Variants in EMX2 observed in about 807,000 individuals in gnomAD.
EMX2 encodes the protein homeobox protein EMX2.
Under a neutral mutation model 23.0 loss-of-function variants are expected in EMX2, and 6 were observed. That is an observed-to-expected ratio of 0.26 (90% CI 0.14 to 0.52). EMX2 has a LOEUF of 0.52. Ranked by LOEUF, EMX2 falls within the 20% of genes least tolerant of loss-of-function variation. EMX2 has a pLI of 0.97. For synonymous variants in EMX2, 175 were observed against 153.3 expected (o/e 1.14, Z -1.04); for missense variants, 302 against 341.4 (o/e 0.88, Z 0.91).
chr10:117,548,184 C>T lies in EMX2; in HGVS notation c.711C>T (p.Ala237=). Residue 237 remains alanine, a synonymous_variant, in exon 3 of 3, where the codon GCC becomes GCT. Transcript: ENST00000553456. ...ACCATATTAACCGGTGGAGAATCGC[C>T]ACCAAGCAGGCGAGTCCGGAGGAAA... The part of the protein sequence containing the change: ...GTHHINRWRI[A]TKQASPEEID... 1.2e-6 allele frequency: 2 copies of T among 1,613,888 alleles called. No homozygotes were observed. Among genetic ancestry groups the T allele is most frequent in the South Asian group, 2.2e-5 (2 of 91,038 alleles).
rs757421537 is a variant in EMX2 at position 117,545,837 on chromosome 10, A to T, written c.591+21A>T. ...CTCAGGTGACTGCGGCCCGGGCGCG[A>T]GGAACCCATCTAGGCGTGCGCCCCC... On this transcript the variant is annotated intron_variant, in intron 2 of 2. Transcript: ENST00000553456. 2.2e-5 allele frequency: 36 copies of T among 1,613,424 alleles called. 1 individual carries two copies. In the South Asian group the frequency reaches 4.0e-4, roughly 18 times the overall value.
Position 117,545,794 on chromosome 10 carries a change from G to A in EMX2, c.569G>A (p.Ser190Asn). 1 of 1,613,922 alleles carries A rather than the reference G, an allele frequency of 6.2e-7. No homozygotes were observed. Among genetic ancestry groups the A allele is most frequent in the Non-Finnish European group, 8.5e-7 (1 of 1,180,038 alleles). Residue 190 changes from serine to asparagine, a missense_variant, in exon 2 of 3, where the codon AGC becomes AAC. Ser to Asn is a conservative substitution (Grantham distance 46). Around this residue, in one of 4 missense-constraint regions of EMX2, gnomAD observed 37 missense variants for 69.1 expected, o/e 0.54. Transcript: ENST00000553456. ...VGAERKQLAH[S>N]LSLTETQVKV... ...GCCGAAAGGAAGCAGCTGGCACACA[G>A]CCTCAGCCTCACGGAAACTCAGGTG...
rs528331506 is a variant in EMX2 at position 117,544,323 on chromosome 10, C to G, written c.406+650C>G. On this transcript the variant is annotated intron_variant, in intron 1 of 2. Coordinates refer to ENST00000553456, the MANE Select transcript of EMX2 (RefSeq NM_004098.4). Reference sequence around the variant, plus strand: ...GCCGCGACCTGCTTAATTGGGGCGCCGAGCAGCCACAGCGGGAAGGCAGGT... The same window carrying G: ...GCCGCGACCTGCTTAATTGGGGCGCGGAGCAGCCACAGCGGGAAGGCAGGT... 3.3e-5 allele frequency: 5 copies of G among 152,014 alleles called. No individual in the cohort carries two copies. In the East Asian group the frequency reaches 9.7e-4, roughly 29 times the overall value. 9.4% of individuals were successfully genotyped at this position (152,014 alleles called of 1,614,324 possible). A position where few individuals can be genotyped will look rare whatever the true frequency, so the allele number is the denominator to read the frequency against.
At chr10:117,545,483 C>T (rs1846563780) in intron 1 of EMX2, 149 bp from the exon 2 acceptor site, 2 of 967,692 alleles carry the variant, frequency 2.1e-6, no homozygotes, top group Admixed American at 5.4e-5. Flanking sequence ...CTTCGTGAGC[C>T]CTTGGGAGGA....
chr10:117,543,506 A>G lies in EMX2; in HGVS notation c.239A>G (p.Asn80Ser). ...VFAEAVSHPP[N>S]PAVPVHPVPP... ...GCCGAGGCGGTCTCGCACCCGCCCA[A>G]CCCCGCCGTGCCAGTGCACCCGGTG... Residue 80 changes from asparagine (N) to serine (S), a missense_variant, in exon 1 of 3, where the codon AAC (asparagine) becomes AGC (serine). This residue lies in a region of EMX2 where 221 missense variants were observed against 206.8 expected (regional missense o/e 1.07). Transcript: ENST00000553456. The G allele has an allele frequency of 1.2e-6, 2 of 1,602,264 alleles. No homozygotes were observed. The highest frequency in any genetic ancestry group is 1.7e-6 in the Non-Finnish European group (2 of 1,176,618).
chr10:117,543,395 C>A lies in EMX2; in HGVS notation c.128C>A (p.Pro43His). 6.3e-7 allele frequency: 1 copy of A among 1,585,362 alleles called. No homozygotes were observed. Among genetic ancestry groups the A allele is most frequent in the Non-Finnish European group, 8.6e-7 (1 of 1,166,664 alleles). Residue 43 changes from proline to histidine, a missense_variant, in exon 1 of 3, where the codon CCC becomes CAC. By Grantham distance (77) the Pro-to-His change is moderately conservative (BLOSUM62 -2). Transcript: ENST00000553456. ...GCACTCAGCTACGCTAACTCCAGCC[C>A]CATAAATCCGTTCCTCAACGGCTTC... ...PAALSYANSSPINPFLNGFHS... is the reference protein window; with the variant it reads ...PAALSYANSSHINPFLNGFHS...
chr10:117,545,585 G>C (rs779622064), intron 1 of EMX2, 47 bp from the exon 2 acceptor site: 9 of 1,610,686 alleles, frequency 5.6e-6, no homozygotes, highest in Non-Finnish European at 7.6e-6. Flanking sequence ...GCGCGGCTCC[G>C]GTCAGAGCAG....
In EMX2 at chr10:117,543,417, C is replaced by T; in HGVS notation, c.150C>T (p.Gly50=). The change falls in exon 1 of 3, where the codon GGC becomes GGT. Residue 50 remains glycine, a synonymous_variant. Coordinates refer to ENST00000553456, the MANE Select transcript of EMX2 (RefSeq NM_004098.4). The part of the protein sequence containing the change: ...NSSPINPFLN[G]FHSAAAAAAG... Reference sequence around the variant, plus strand: ...GCCCCATAAATCCGTTCCTCAACGGCTTCCACTCGGCCGCCGCCGCCGCCG... The same window carrying T: ...GCCCCATAAATCCGTTCCTCAACGGTTTCCACTCGGCCGCCGCCGCCGCCG... 1.3e-6 allele frequency: 2 copies of T among 1,595,234 alleles called. No homozygotes were observed. Among genetic ancestry groups the T allele is most frequent in the Non-Finnish European group, 1.7e-6 (2 of 1,171,658 alleles).
At chr10:117,545,597 C>G (rs561630351) in intron 1 of EMX2, 35 bp from the exon 2 acceptor site, 12 of 1,612,326 alleles carry the variant, frequency 7.4e-6, no homozygotes, top group African/African-American at 4.0e-5. Flanking sequence ...TCAGAGCAGC[C>G]CCCCCTAATG....
intron 1 of EMX2, among the ~76,000 whole-genome samples, chr10:117,545,386 G>A (rs2133969325): frequency 6.6e-6 from 1 of 152,308 alleles, no homozygotes; most frequent in Non-Finnish European, 1.5e-5. Context: ...AGGAGCCTGG[G>A]GACTGGCTCC....
chr10:117,546,360 G>C (rs1487997192), intron 2 of EMX2, among the ~76,000 whole-genome samples: 1 of 152,264 alleles, frequency 6.6e-6, no homozygotes, highest in Non-Finnish European at 1.5e-5. Flanking sequence ...GCTGCAGAGA[G>C]GGTCTGCCTC....
chr10:117,545,899 G>C (rs759080209), intron 2 of EMX2, 83 bp downstream of exon 2: 78 of 1,585,950 alleles, frequency 4.9e-5, no homozygotes, highest in Non-Finnish European at 6.2e-5. Context: ...CCATGAGCAC[G>C]GAGCTCTGTG....
Position 117,542,775 on chromosome 10 carries a change from A to G in EMX2, c.-493A>G, listed in dbSNP as rs1445234477. 7 of 152,508 alleles carry G rather than the reference A, an allele frequency of 4.6e-5. No individual in the cohort carries two copies. The highest frequency in any genetic ancestry group is 1.7e-4 in the African/African-American group (7 of 41,156). The allele number at this position is 152,508 out of a possible 1,614,324, so 9.4% of individuals were successfully genotyped here. A position where few individuals can be genotyped will look rare whatever the true frequency, so the allele number is the denominator to read the frequency against. ...AACTTGTGAAGAAGCGAACACTTCC[A>G]TGGATTGTCCTTGGACTTAGGGCGC... On this transcript the variant is annotated 5_prime_UTR_variant, in exon 1 of 3. An upstream start codon of the reference 5' UTR is lost. Transcript: ENST00000553456.
At position 117,545,790 on chromosome 10, in the gene EMX2, C is replaced by T. The variant is rs1419179910; in HGVS notation, c.565C>T (p.His189Tyr). The T allele has an allele frequency of 6.2e-7, 1 of 1,613,818 alleles. No homozygotes were observed. Among genetic ancestry groups the T allele is most frequent in the Non-Finnish European group, 8.5e-7 (1 of 1,180,046 alleles). Residue 189 changes from histidine (H) to tyrosine (Y), a missense_variant, in exon 2 of 3, where the codon CAC becomes TAC. This residue lies in a region of EMX2 where 37 missense variants were observed against 69.1 expected (regional missense o/e 0.54). Coordinates refer to ENST00000553456, the MANE Select transcript of EMX2 (RefSeq NM_004098.4). The stretch of plus-strand genomic sequence containing the variant: ...GGGCGCCGAAAGGAAGCAGCTGGCA[C>T]ACAGCCTCAGCCTCACGGAAACTCA... ...VVGAERKQLA[H>Y]SLSLTETQVK... is the part of the protein sequence containing the mutation.
In EMX2 at chr10:117,548,380, C is replaced by A; in HGVS notation, c.*148C>A. On this transcript the variant is annotated 3_prime_UTR_variant, in exon 3 of 3. Coordinates refer to ENST00000553456, the MANE Select transcript of EMX2 (RefSeq NM_004098.4). ...GGGAATCGGAGGGAGCAGCGGAATG[C>A]GGCGAAGACTCTGGACAGCGAGGGC... 3 of 1,271,946 alleles carry A rather than the reference C, an allele frequency of 2.4e-6. No individual in the cohort carries two copies. Among genetic ancestry groups the A allele is most frequent in the Non-Finnish European group, 3.2e-6 (3 of 930,276 alleles). The allele number at this position is 1,271,946 out of a possible 1,614,324, so 78.8% of individuals were successfully genotyped here.
In EMX2 at chr10:117,548,623, CG is replaced by C. The variant is rs1253449946; in HGVS notation, c.*395del. On this transcript the variant is annotated 3_prime_UTR_variant, in exon 3 of 3. Transcript: ENST00000553456. Reference sequence around the variant, plus strand: ...GGGAGCTGTCAATCAAACACCAAACCGGGGAGACAAGATGATTGGCAGGTAT... The same window carrying C: ...GGGAGCTGTCAATCAAACACCAAACCGGGAGACAAGATGATTGGCAGGTAT... The C allele has an allele frequency of 2.1e-6, 1 of 470,522 alleles. No individual in the cohort carries two copies. The highest frequency in any genetic ancestry group is 3.2e-5 in the East Asian group (1 of 31,220). 29.1% of individuals were successfully genotyped at this position (470,522 alleles called of 1,614,324 possible).
chr10:117,543,712 G>A (rs749867034), intron 1 of EMX2, 39 bp downstream of exon 1: 1 of 1,613,076 alleles, frequency 6.2e-7, no homozygotes, highest in Admixed American at 1.7e-5. Context: ...CGCCGCTCCC[G>A]CCGCATCCTT....
intron 2 of EMX2, among the ~76,000 whole-genome samples, chr10:117,546,297 G>A (rs931656677): frequency 6.6e-6 from 1 of 152,214 alleles, no homozygotes; most frequent in Non-Finnish European, 1.5e-5. Context: ...CGATGGGAAG[G>A]TAGAGGGCAA....
At chr10:117,543,783 C>G in intron 1 of EMX2, 110 bp downstream of exon 1, 1 of 1,552,012 alleles carries the variant, frequency 6.4e-7, no homozygotes, top group Non-Finnish European at 8.8e-7. Flanking sequence ...GTTCCTCCGG[C>G]TCGCGGGCCA....
Sources: allele counts gnomAD v4.1 joint callset (sites outside exome capture counted in the v4.1 genomes callset), GRCh38; gene constraint gnomAD v4.1.1; regional missense constraint gnomAD v4.1.1; transcripts MANE v1.5; gene names NCBI Gene and HGNC (gene_info 2026-07-23, HGNC 2026-07-21).